The following RAD54L variants were observed in gnomAD, a reference collection of about 807,000 sequenced individuals.
The protein encoded by RAD54L is RAD54 like, also known as DNA repair and recombination protein RAD54-like.
RAD54L carries 74 observed loss-of-function variants against 91.6 expected under a neutral mutation model. The ratio of observed to expected loss-of-function variants is 0.81; its 90% confidence interval spans 0.67 to 0.98. The LOEUF (loss-of-function observed/expected upper bound fraction) is 0.98. Among genes scored for constraint, RAD54L ranks in the 50% least tolerant of loss-of-function variants. The pLI, the probability that RAD54L is intolerant of heterozygous loss-of-function variation, is 0.00. For missense variants in RAD54L, 887 were observed against 945.7 expected (o/e 0.94, Z 0.81); for synonymous variants, 304 against 349.7 (o/e 0.87, Z 1.46).
At position 46,273,336 on chromosome 1, in the gene RAD54L, T is replaced by A; in HGVS notation, c.1376-19T>A. On this transcript the variant is annotated intron_variant, in intron 12 of 17. Transcript: ENST00000371975. The stretch of plus-strand genomic sequence containing the variant: ...CTTCAGAAAGCAAAGTATCTGGGTT[T>A]TGTTTTGTTTTCTCCCAGATCCAGC... 1.3e-6 allele frequency: 2 copies of A among 1,573,874 alleles called. No individual in the cohort carries two copies. The highest frequency in any genetic ancestry group is 1.7e-6 in the Non-Finnish European group (2 of 1,143,378).
chr1:46,258,517 C>T (rs1401614234), intron 3 of RAD54L, among the ~76,000 whole-genome samples, 169 bp from the exon 4 acceptor site: 3 of 152,108 alleles, frequency 2.0e-5, no homozygotes, highest in African/African-American at 4.8e-5. Flanking sequence ...TTCTAAGCCT[C>T]GTGGTTGACT....
In RAD54L at chr1:46,272,530, G is replaced by T. The variant is rs528893398; in HGVS notation, c.1234G>T (p.Val412Phe). ...KYLPVKIEQV[V>F]CCRLTPLQTE... ...TCTGCCTGTGAAGATTGAGCAGGTCGTTTGTTGTAGGTACTGAACTCAACT... is the reference window on the plus strand; with the variant it reads ...TCTGCCTGTGAAGATTGAGCAGGTCTTTTGTTGTAGGTACTGAACTCAACT... Residue 412 changes from valine to phenylalanine, a missense_variant, in exon 11 of 18, where the codon GTT becomes TTT. By Grantham distance (50) the Val-to-Phe change is conservative. Coordinates refer to ENST00000371975, the MANE Select transcript of RAD54L (RefSeq NM_003579.4). 8 of 1,611,766 alleles carry T rather than the reference G, an allele frequency of 5.0e-6. No homozygotes were observed. In the African/African-American group the frequency reaches 1.1e-4, roughly 22 times the overall value.
chr1:46,256,273 C>T (rs1238170633), intron 3 of RAD54L, among the ~76,000 whole-genome samples: 1 of 151,982 alleles, frequency 6.6e-6, no homozygotes, highest in Non-Finnish European at 1.5e-5. Flanking sequence ...GTGGGGGGGT[C>T]TCACTACGTT....
chr1:46,258,890 G>A lies in RAD54L; in HGVS notation c.271+144G>A. 7 of 706,326 alleles carry A rather than the reference G, an allele frequency of 9.9e-6. No individual in the cohort carries two copies. In the South Asian group the frequency reaches 1.1e-4, roughly 11 times the overall value. 43.8% of individuals were successfully genotyped at this position (706,326 alleles called of 1,614,324 possible). A position where few individuals can be genotyped will look rare whatever the true frequency, so the allele number is the denominator to read the frequency against. On this transcript the variant is annotated intron_variant, in intron 4 of 17. Transcript: ENST00000371975. ...TGGCTGTGTTTGGGGTGACCCTCCT[G>A]AGGCCTGCATGAAAACTGTGTTAGC...
At chr1:46,273,590 C>T (rs2148301813) in intron 13 of RAD54L, 34 bp from the exon 14 acceptor site, 2 of 1,612,674 alleles carry the variant, frequency 1.2e-6, no homozygotes, top group East Asian at 2.2e-5. Context: ...ATTGGGACAG[C>T]CAGTAGGGGA....
Position 46,260,073 on chromosome 1 carries a change from C to T in RAD54L, c.381C>T (p.Ser127=), listed in dbSNP as rs1457961155. ...TTCTGTATGAGCCTCCCCCGCTGAG[C>T]GCTCATGACCAGCTGAAGCTTGACA... is the stretch of plus-strand genomic sequence containing the variant. ...ALVLYEPPPL[S]AHDQLKLDKE... is the part of the protein sequence containing the mutation. The change falls in exon 5 of 18, where the codon AGC becomes AGT. Residue 127 remains serine, a synonymous_variant. Coordinates refer to ENST00000371975, the MANE Select transcript of RAD54L (RefSeq NM_003579.4). 5.6e-6 allele frequency: 9 copies of T among 1,614,048 alleles called. No homozygotes were observed. The highest frequency in any genetic ancestry group is 5.3e-5 in the African/African-American group (4 of 74,898).
intron 1 of RAD54L, 29 bp downstream of exon 1, chr1:46,248,437 A>G: frequency 3.7e-6 from 6 of 1,614,110 alleles, no homozygotes; most frequent in Non-Finnish European, 5.1e-6. Flanking sequence ...GAGACTGGGA[A>G]TAGCCCTGGG....
Position 46,248,404 on chromosome 1 carries a change from G to C in RAD54L, c.-2G>C. ...TTGACGTTTTAAACTCCTAGGCCCA[G>C]GATGGTAAGTGTGGGCCTAGGGGAG... On this transcript the variant is annotated 5_prime_UTR_variant, in exon 1 of 18. Transcript: ENST00000371975. 6.2e-7 allele frequency: 1 copy of C among 1,614,036 alleles called. No individual in the cohort carries two copies. Among genetic ancestry groups the C allele is most frequent in the Non-Finnish European group, 8.5e-7 (1 of 1,180,032 alleles).
Position 46,247,977 on chromosome 1 carries a change from G to A in RAD54L, c.-429G>A, listed in dbSNP as rs1042763709. On this transcript the variant is annotated 5_prime_UTR_variant, in exon 1 of 18. Transcript: ENST00000371975. ...TTCTCCAGACTCGCCCTCCCCACCCGGGCCTCGGACTTTCACCCCAGCTTC... is the reference window on the plus strand; with the variant it reads ...TTCTCCAGACTCGCCCTCCCCACCCAGGCCTCGGACTTTCACCCCAGCTTC... The A allele has an allele frequency of 3.5e-6, 1 of 283,102 alleles. No individual in the cohort carries two copies. The highest frequency in any genetic ancestry group is 6.9e-6 in the Non-Finnish European group (1 of 144,542). 17.5% of individuals were successfully genotyped at this position (283,102 alleles called of 1,614,324 possible). A position where few individuals can be genotyped will look rare whatever the true frequency, so the allele number is the denominator to read the frequency against.
chr1:46,270,617 C>A (rs1235025886), intron 9 of RAD54L, 42 bp from the exon 10 acceptor site: 9 of 1,612,010 alleles, frequency 5.6e-6, no homozygotes, highest in African/African-American at 1.3e-5. Context: ...GAAAATCATT[C>A]CTTTTCCACA....
At chr1:46,273,963 C>T (rs542781264) in intron 14 of RAD54L, among the ~76,000 whole-genome samples, 175 bp from the exon 15 acceptor site, 68 of 152,296 alleles carry the variant, frequency 4.5e-4, no homozygotes, top group African/African-American at 1.4e-3. Context: ...TGGCCTCTAG[C>T]TCCCTGCCCC....
At chr1:46,253,720 CTTTTTT>C (rs3063981) in intron 3 of RAD54L, among the ~76,000 whole-genome samples, 11 of 83,620 alleles carry the variant, frequency 1.3e-4, no homozygotes, top group East Asian at 4.3e-4. Context: ...CTTAGGTACT[CTTTTTT>C]TTTTTTTTTT....
intron 16 of RAD54L, among the ~76,000 whole-genome samples, chr1:46,275,573 C>T (rs1660569634): frequency 6.6e-6 from 1 of 152,152 alleles, no homozygotes; most frequent in Non-Finnish European, 1.5e-5. Context: ...GCTTCTACAC[C>T]AGCTACATTG....
intron 8 of RAD54L, among the ~76,000 whole-genome samples, chr1:46,264,817 A>G (rs1399754395): frequency 1.3e-5 from 2 of 152,196 alleles, no homozygotes; most frequent in Admixed American, 6.5e-5. Context: ...TGCTTGGTGC[A>G]GGAAGAAGCT....
At position 46,275,353 on chromosome 1, in the gene RAD54L, A is replaced by C. The variant is rs968109554; in HGVS notation, c.1869+636A>C. On this transcript the variant is annotated intron_variant, in intron 16 of 17. Coordinates refer to ENST00000371975, the MANE Select transcript of RAD54L (RefSeq NM_003579.4). ...CTTGTTAGAACCCAGAACCTTAATA[A>C]CTGTCATTCTACTTTCACTTCTTGT... Among the ~76,000 whole-genome samples, 8 of 152,028 alleles carry C rather than the reference A, an allele frequency of 5.3e-5. No homozygotes were observed. In the East Asian group the frequency reaches 1.3e-3, roughly 26 times the overall value.
At chr1:46,264,408 G>A (rs1660211479) in intron 8 of RAD54L, among the ~76,000 whole-genome samples, 1 of 152,166 alleles carries the variant, frequency 6.6e-6, no homozygotes. Flanking sequence ...CTTTTCTCTG[G>A]AACACAGTTT....
intron 9 of RAD54L, among the ~76,000 whole-genome samples, chr1:46,269,451 G>GCA (rs1660360606): frequency 1.3e-5 from 2 of 151,902 alleles, no homozygotes; most frequent in Admixed American, 1.3e-4. Flanking sequence ...GGGACAACAG[G>GCA]CACACACCAT....
At chr1:46,266,795 G>A (rs1660276478) in intron 8 of RAD54L, among the ~76,000 whole-genome samples, 1 of 152,194 alleles carries the variant, frequency 6.6e-6, no homozygotes, top group African/African-American at 2.4e-5. Context: ...GCATGGGTTT[G>A]TCATATGTCC....
At position 46,270,642 on chromosome 1, in the gene RAD54L, T is replaced by C. The variant is rs1660395494; in HGVS notation, c.1043-17T>C. ...CCTTTTCCACATTCTTCTGTTTTCC[T>C]TCTCTCCTGTGTTTAGGGACTGCCC... On this transcript the variant is annotated splice_polypyrimidine_tract_variant and intron_variant, in intron 9 of 17. Transcript: ENST00000371975. The C allele has an allele frequency of 1.2e-6, 2 of 1,612,574 alleles. No individual in the cohort carries two copies. The highest frequency in any genetic ancestry group is 4.5e-5 in the East Asian group (2 of 44,170).
Sources: allele counts gnomAD v4.1 joint callset (sites outside exome capture counted in the v4.1 genomes callset), GRCh38; gene constraint gnomAD v4.1.1; transcripts MANE v1.5; gene names NCBI Gene and HGNC (gene_info 2026-07-23, HGNC 2026-07-21).